The following CCDC83 variants were observed in gnomAD, a reference collection of about 807,000 sequenced individuals.
CCDC83 encodes coiled-coil domain containing 83.
In CCDC83, 54 loss-of-function variants were observed where a neutral mutation model predicts 50.1. The observed-to-expected ratio is 1.08, with a 90% CI of 0.87 to 1.35. The LOEUF (loss-of-function observed/expected upper bound fraction) is 1.35. Ranked by LOEUF, CCDC83 falls within the 40% of genes most tolerant of loss-of-function variation. The probability of loss-of-function intolerance (pLI) is 0.00; values close to 1 mark genes in which losing one functional copy is unlikely to be tolerated. For missense variants in CCDC83, 518 were observed against 473.9 expected (o/e 1.09, Z -0.86); for synonymous variants, 161 against 153.3 (o/e 1.05, Z -0.37).
At chr11:85,917,134 A>AG (rs2093481005) in intron 10 of CCDC83, among the ~76,000 whole-genome samples, 3 of 77,972 alleles carry the variant, frequency 3.8e-5, no homozygotes, top group Non-Finnish European at 7.1e-5. Flanking sequence ...AAGAAAAAGA[A>AG]AGAGAGAGAG....
At chr11:85,884,416 C>T (rs890548012) in intron 4 of CCDC83, among the ~76,000 whole-genome samples, 2 of 152,084 alleles carry the variant, frequency 1.3e-5, no homozygotes, top group African/African-American at 2.4e-5. Context: ...AATCAGAATC[C>T]GCATTCTGAC....
chr11:85,891,136 G>C (rs1022576385), intron 5 of CCDC83, among the ~76,000 whole-genome samples: 1 of 152,100 alleles, frequency 6.6e-6, no homozygotes, highest in African/African-American at 2.4e-5. Context: ...CTGCATACCT[G>C]TCCCCCTTCT....
chr11:85,870,033 T>C (rs1051976567), intron 2 of CCDC83, among the ~76,000 whole-genome samples: 1 of 152,224 alleles, frequency 6.6e-6, no homozygotes, highest in Admixed American at 6.5e-5. Context: ...ACTCCACAAA[T>C]GGACAAGAGA....
chr11:85,869,413 T>C (rs973948628), intron 2 of CCDC83, among the ~76,000 whole-genome samples: 2 of 152,234 alleles, frequency 1.3e-5, no homozygotes, highest in Non-Finnish European at 2.9e-5. Context: ...TGGATAGAGA[T>C]ATAAAAACAT....
intron 5 of CCDC83, among the ~76,000 whole-genome samples, 190 bp from the exon 6 acceptor site, chr11:85,895,103 G>GA (rs2093366645): frequency 7.2e-6 from 1 of 138,192 alleles, no homozygotes; most frequent in African/African-American, 2.7e-5. Flanking sequence ...CATATGCCAA[G>GA]AATAGTGGAA....
intron 4 of CCDC83, among the ~76,000 whole-genome samples, chr11:85,885,473 G>C (rs911687526): frequency 8.5e-5 from 13 of 152,176 alleles, no homozygotes; most frequent in African/African-American, 2.9e-4. Flanking sequence ...CATTAAGTTT[G>C]TTGTACTTGA....
Position 85,882,553 on chromosome 11 carries a change from A to C in CCDC83, c.221A>C (p.His74Pro). Residue 74 changes from histidine to proline, a missense_variant, in exon 4 of 11, where the codon CAT becomes CCT. Coordinates refer to ENST00000342404, the MANE Select transcript of CCDC83 (RefSeq NM_001286159.2). The stretch of plus-strand genomic sequence containing the variant: ...GAAGAACAGATTTGGCACATACGGC[A>C]TCTACTAAAGGAACTGAGTGAAGAG... ...LKEEQIWHIR[H>P]LLKELSEEKA... 1.9e-6 allele frequency: 3 copies of C among 1,614,002 alleles called. No homozygotes were observed. The highest frequency in any genetic ancestry group is 2.5e-6 in the Non-Finnish European group (3 of 1,179,892).
intron 3 of CCDC83, among the ~76,000 whole-genome samples, chr11:85,881,376 C>CG (rs2093299469): frequency 6.7e-6 from 1 of 149,068 alleles, no homozygotes; most frequent in South Asian, 2.1e-4. Context: ...CCATCCCCCC[C>CG]CAAAAAAAAA....
chr11:85,873,782 A>C (rs527270635), intron 3 of CCDC83, among the ~76,000 whole-genome samples: 1 of 152,340 alleles, frequency 6.6e-6, no homozygotes, highest in African/African-American at 2.4e-5. Flanking sequence ...ATGAATATCA[A>C]AAAGGTGCTA....
intron 1 of CCDC83, among the ~76,000 whole-genome samples, chr11:85,863,450 T>C (rs1456976483): frequency 2.0e-5 from 3 of 152,334 alleles, no homozygotes; most frequent in East Asian, 3.9e-4. Flanking sequence ...AATGTACTAA[T>C]GTATTAGATC....
At chr11:85,910,424 G>A (rs2093448288) in intron 7 of CCDC83, among the ~76,000 whole-genome samples, 1 of 152,180 alleles carries the variant, frequency 6.6e-6, no homozygotes, top group Non-Finnish European at 1.5e-5. Context: ...ACAGTTCTCA[G>A]AATTACCTAG....
At chr11:85,875,660 A>G (rs367633402) in intron 3 of CCDC83, among the ~76,000 whole-genome samples, 4 of 152,358 alleles carry the variant, frequency 2.6e-5, no homozygotes, top group South Asian at 2.1e-4. Context: ...TAGGTGTTCA[A>G]TAAATATTTG....
chr11:85,911,407 A>T lies in CCDC83; in HGVS notation c.794+5A>T, dbSNP rs943840339. 1.9e-6 allele frequency: 3 copies of T among 1,580,824 alleles called. No homozygotes were observed. The highest frequency in any genetic ancestry group is 2.6e-6 in the Non-Finnish European group (3 of 1,166,204). On this transcript the variant is annotated splice_donor_5th_base_variant and intron_variant, in intron 8 of 10. Coordinates refer to ENST00000342404, the MANE Select transcript of CCDC83 (RefSeq NM_001286159.2). ...TGTGGATCTCAAGATACCCAGGTGAAAATTGTTAATATATAGAGAGTATTT... is the reference window on the plus strand; with the variant it reads ...TGTGGATCTCAAGATACCCAGGTGATAATTGTTAATATATAGAGAGTATTT...
intron 3 of CCDC83, among the ~76,000 whole-genome samples, chr11:85,878,979 T>C (rs896557929): frequency 6.6e-6 from 1 of 151,760 alleles, no homozygotes; most frequent in African/African-American, 2.4e-5. Flanking sequence ...ATTTTATAAT[T>C]AGACTTTTTG....
chr11:85,892,369 G>A (rs1386652229), intron 5 of CCDC83, among the ~76,000 whole-genome samples: 1 of 152,166 alleles, frequency 6.6e-6, no homozygotes, highest in Non-Finnish European at 1.5e-5. Context: ...ATGGTTAATT[G>A]TTACCAGAAG....
intron 7 of CCDC83, among the ~76,000 whole-genome samples, chr11:85,906,579 T>C (rs1470492849): frequency 6.6e-6 from 1 of 152,146 alleles, no homozygotes; most frequent in African/African-American, 2.4e-5. Context: ...AAAAGAGCTT[T>C]ATAATAAAGA....
chr11:85,895,431 C>A, intron 6 of CCDC83, 47 bp downstream of exon 6: 2 of 1,227,764 alleles, frequency 1.6e-6, no homozygotes, highest in African/African-American at 1.5e-5. Context: ...ACATTTTCCC[C>A]CTATTTTTTC....
intron 3 of CCDC83, among the ~76,000 whole-genome samples, chr11:85,875,195 G>A (rs1216098673): frequency 1.3e-5 from 2 of 152,182 alleles, no homozygotes; most frequent in African/African-American, 4.8e-5. Context: ...GTTAGGGTGG[G>A]CACAATAGTG....
At chr11:85,912,264 GACT>G (rs1444569514) in intron 8 of CCDC83, among the ~76,000 whole-genome samples, 1 of 152,112 alleles carries the variant, frequency 6.6e-6, no homozygotes, top group Non-Finnish European at 1.5e-5. Flanking sequence ...TGACATGGAA[GACT>G]ACTATTTGAG....
Sources: gnomAD v4.1 joint callset for allele counts (sites outside exome capture counted in the v4.1 genomes callset) on GRCh38, gnomAD v4.1.1 for gene constraint, MANE v1.5 for transcripts, NCBI Gene and HGNC (gene_info 2026-07-23, HGNC 2026-07-21) for gene names.